Variants in ADGRA3 observed in about 807,000 individuals in gnomAD.
ADGRA3 encodes the protein adhesion G protein-coupled receptor A3, also known as G-protein coupled receptor 125.
A neutral mutation model predicts 119.8 loss-of-function variants in ADGRA3; 56 were observed. That is an observed-to-expected ratio of 0.47 (90% CI 0.38 to 0.58). The LOEUF is 0.58. Ranked by LOEUF, ADGRA3 falls within the 20% of genes least tolerant of loss-of-function variation. The pLI is 0.00. For synonymous variants in ADGRA3, 607 were observed against 623.8 expected (o/e 0.97, Z 0.40); for missense variants, 1,516 against 1,649.0 (o/e 0.92, Z 1.40).
intron 16 of ADGRA3, among the ~76,000 whole-genome samples, chr4:22,397,009 T>C (rs1714383504): frequency 6.6e-6 from 1 of 152,092 alleles, no homozygotes; most frequent in Non-Finnish European, 1.5e-5. Flanking sequence ...GTGTGCTGAG[T>C]ACTCTCCTAA....
chr4:22,422,351 T>C (rs754334524), intron 11 of ADGRA3, among the ~76,000 whole-genome samples: 1 of 152,218 alleles, frequency 6.6e-6, no homozygotes, highest in Non-Finnish European at 1.5e-5. Flanking sequence ...ATTTGGCAAG[T>C]CTTATGCATG....
intron 12 of ADGRA3, among the ~76,000 whole-genome samples, chr4:22,417,525 G>T (rs540752441): frequency 9.7e-4 from 147 of 152,246 alleles, no homozygotes; most frequent in African/African-American, 3.4e-3. Context: ...CATAACAGCC[G>T]AGAAACTGAC....
chr4:22,394,692 T>C (rs536897271), intron 16 of ADGRA3: 2 of 152,188 alleles, frequency 1.3e-5, no homozygotes, highest in African/African-American at 4.8e-5. Context: ...AAAATACAGG[T>C]TAAAGGCAAC....
chr4:22,501,820 A>T (rs565098809), intron 1 of ADGRA3, among the ~76,000 whole-genome samples: 4 of 151,658 alleles, frequency 2.6e-5, no homozygotes, highest in South Asian at 4.2e-4. Flanking sequence ...ATAAAACTTT[A>T]AAAAAAAAGT....
intron 1 of ADGRA3, among the ~76,000 whole-genome samples, chr4:22,513,144 T>C (rs1040180290): frequency 1.4e-5 from 1 of 71,656 alleles, no homozygotes; most frequent in African/African-American, 4.4e-5. Context: ...AACTTTCCTC[T>C]TTTTTTTTTT....
Position 22,450,950 on chromosome 4 carries a change from AAATAT to A in ADGRA3, c.474-3444_474-3440del, listed in dbSNP as rs796087868. Among the ~76,000 whole-genome samples the A allele has an allele frequency of 2.8e-3, 336 of 121,322 alleles. 1 individual carries two copies. Among genetic ancestry groups the A allele is most frequent in the East Asian group, 0.015 (61 of 4,048 alleles). The allele number at this position is 121,322 out of a possible 152,430, so 79.6% of individuals were successfully genotyped here. ...TGGATATAACAGAAAAAAAAAAAAAAAATATATATATATATATATATACACCAGAT... is the reference window on the plus strand; with the variant it reads ...TGGATATAACAGAAAAAAAAAAAAAAATATATATATATATATACACCAGAT... On this transcript the variant is annotated intron_variant, in intron 4 of 18. Coordinates refer to ENST00000334304, the MANE Select transcript of ADGRA3 (RefSeq NM_145290.4).
intron 1 of ADGRA3, among the ~76,000 whole-genome samples, chr4:22,506,838 C>T (rs1214248808): frequency 1.3e-5 from 2 of 152,066 alleles, no homozygotes; most frequent in Non-Finnish European, 2.9e-5. Context: ...TAAATGTAAG[C>T]TAAACTGTAC....
chr4:22,389,062 G>A (rs1489520281), intron 18 of ADGRA3, 26 bp downstream of exon 18: 1 of 1,604,892 alleles, frequency 6.2e-7, no homozygotes, highest in Non-Finnish European at 8.5e-7. Flanking sequence ...ACTGGGTCAA[G>A]TACACAGAGA....
intron 6 of ADGRA3, among the ~76,000 whole-genome samples, chr4:22,444,191 G>A (rs1373593189): frequency 1.3e-5 from 2 of 151,996 alleles, no homozygotes; most frequent in African/African-American, 2.4e-5. Flanking sequence ...GAGAATTTAG[G>A]ATATGCTTAT....
chr4:22,420,562 A>G lies in ADGRA3; in HGVS notation c.1809+324T>C, dbSNP rs928481811. 5.0e-5 allele frequency: 20 copies of G among 398,078 alleles called. No individual in the cohort carries two copies. In the Admixed American group the frequency reaches 7.3e-4, roughly 14 times the overall value. 24.7% of individuals were successfully genotyped at this position (398,078 alleles called of 1,614,324 possible). ...ATTGTCTTAAAATCAGGAGCAAAAA[A>G]ACAAATAAATAAACTTTTAAGTCAA... On this transcript the variant is annotated intron_variant, in intron 12 of 18. Coordinates refer to ENST00000334304, the MANE Select transcript of ADGRA3 (RefSeq NM_145290.4).
At chr4:22,404,337 C>T (rs1714800056) in intron 14 of ADGRA3, among the ~76,000 whole-genome samples, 2 of 152,110 alleles carry the variant, frequency 1.3e-5, no homozygotes. Flanking sequence ...GGCAAATTTT[C>T]CCAAGGTAGA....
At chr4:22,459,820 T>C (rs1160876647) in intron 3 of ADGRA3, among the ~76,000 whole-genome samples, 1 of 152,202 alleles carries the variant, frequency 6.6e-6, no homozygotes, top group Non-Finnish European at 1.5e-5. Context: ...ATGTGGTTTC[T>C]CCTTATTGCT....
intron 4 of ADGRA3, among the ~76,000 whole-genome samples, chr4:22,453,979 G>A (rs1198878685): frequency 2.0e-5 from 3 of 151,990 alleles, no homozygotes; most frequent in Admixed American, 6.6e-5. Context: ...TCGTGACTCA[G>A]CCTCCCGAGT....
At chr4:22,389,634 A>C (rs1012830779) in intron 17 of ADGRA3, among the ~76,000 whole-genome samples, 2 of 152,132 alleles carry the variant, frequency 1.3e-5, no homozygotes, top group African/African-American at 4.8e-5. Flanking sequence ...TGCATGTCCC[A>C]GGACTGCCCA....
At position 22,461,819 on chromosome 4, in the gene ADGRA3, T is replaced by C. The variant is rs1717469324; in HGVS notation, c.330-11A>G. 1.9e-6 allele frequency: 3 copies of C among 1,581,982 alleles called. No individual in the cohort carries two copies. Among genetic ancestry groups the C allele is most frequent in the Non-Finnish European group, 2.6e-6 (3 of 1,153,520 alleles). ...TTGTTTCGGAGGTCCCTGTTAAAAA[T>C]AAAATAAAAGTTATTCACATATCAA... On this transcript the variant is annotated splice_polypyrimidine_tract_variant and intron_variant, in intron 2 of 18. Coordinates refer to ENST00000334304, the MANE Select transcript of ADGRA3 (RefSeq NM_145290.4).
intron 10 of ADGRA3, among the ~76,000 whole-genome samples, chr4:22,434,175 C>T (rs1228939015): frequency 1.4e-5 from 2 of 147,118 alleles, no homozygotes; most frequent in Non-Finnish European, 3.0e-5. Flanking sequence ...ATGTAATATA[C>T]ATTAGATATA....
chr4:22,473,515 C>T (rs1355007726), intron 2 of ADGRA3, among the ~76,000 whole-genome samples: 3 of 152,200 alleles, frequency 2.0e-5, no homozygotes, highest in South Asian at 2.1e-4. Flanking sequence ...TCTAAGGCTG[C>T]ATTCACACTT....
At chr4:22,499,195 C>T (rs1487518011) in intron 1 of ADGRA3, among the ~76,000 whole-genome samples, 1 of 152,216 alleles carries the variant, frequency 6.6e-6, no homozygotes. Flanking sequence ...TCTAATAAAG[C>T]CACTGGAACT....
intron 1 of ADGRA3, among the ~76,000 whole-genome samples, chr4:22,494,220 A>G (rs932974076): frequency 2.0e-5 from 3 of 151,340 alleles, no homozygotes; most frequent in African/African-American, 7.3e-5. Flanking sequence ...AAAAAAAAAA[A>G]TAAGAGTAAC....
Sources: allele counts gnomAD v4.1 joint callset (sites outside exome capture counted in the v4.1 genomes callset), GRCh38; gene constraint gnomAD v4.1.1; transcripts MANE v1.5; gene names NCBI Gene and HGNC (gene_info 2026-07-23, HGNC 2026-07-21).